WNT3A: variants seen among roughly 807,000 people sequenced by gnomAD.
WNT3A encodes protein Wnt-3a.
WNT3A carries 17 observed loss-of-function variants against 37.0 expected under a neutral mutation model. That is an observed-to-expected ratio of 0.46 (90% CI 0.31 to 0.69). The LOEUF (loss-of-function observed/expected upper bound fraction) is 0.69, where lower values mean the gene tolerates loss of function less well. Among genes scored for constraint, WNT3A ranks in the 30% least tolerant of loss-of-function variants. The pLI, the probability that WNT3A is intolerant of heterozygous loss-of-function variation, is 0.05. For synonymous variants in WNT3A, 187 were observed against 211.0 expected (o/e 0.89, Z 0.99); for missense variants, 411 against 510.2 (o/e 0.81, Z 1.87).
At chr1:228,043,649 A>C (rs2031339334) in intron 2 of WNT3A, among the ~76,000 whole-genome samples, 1 of 152,214 alleles carries the variant, frequency 6.6e-6, no homozygotes, top group Admixed American at 6.5e-5. Flanking sequence ...CCTGGACGTA[A>C]GTCCTGGCCT....
intron 2 of WNT3A, among the ~76,000 whole-genome samples, chr1:228,045,761 G>A (rs995328972): frequency 6.6e-6 from 1 of 152,226 alleles, no homozygotes; most frequent in African/African-American, 2.4e-5. Context: ...AAAGGAAACA[G>A]CGGAGGTTGC....
intron 1 of WNT3A, among the ~76,000 whole-genome samples, chr1:228,021,662 G>A (rs538577282): frequency 3.9e-5 from 6 of 152,342 alleles, no homozygotes; most frequent in South Asian, 4.1e-4. Context: ...ACGTCTCATT[G>A]TGGACACGTG....
rs1329137277 is a variant in WNT3A at position 228,008,814 on chromosome 1, C to CT, written c.71+1616dup. Among the ~76,000 whole-genome samples, 1 of 152,182 alleles carries CT rather than the reference C, an allele frequency of 6.6e-6. No homozygotes were observed. The highest frequency in any genetic ancestry group is 1.5e-5 in the Non-Finnish European group (1 of 68,004). On this transcript the variant is annotated intron_variant, in intron 1 of 3. Coordinates refer to ENST00000284523, the MANE Select transcript of WNT3A (RefSeq NM_033131.4). The surrounding 1 kb of genome is among the most constrained non-coding windows in gnomAD (Gnocchi z 4.9). The stretch of plus-strand genomic sequence containing the variant: ...GCCAGCCTCCTGGCAACCCCGCGCC[C>CT]TAGGATCTTTGTCTTGTCGGCCCTG...
At chr1:228,012,259 A>T (rs2030395722) in intron 1 of WNT3A, among the ~76,000 whole-genome samples, 1 of 152,212 alleles carries the variant, frequency 6.6e-6, no homozygotes, top group Non-Finnish European at 1.5e-5. Context: ...GGCTCCCGCC[A>T]TCTCCATCCA....
chr1:228,034,784 TG>T, intron 2 of WNT3A, among the ~76,000 whole-genome samples: 1 of 152,184 alleles, frequency 6.6e-6, no homozygotes, highest in East Asian at 1.9e-4. Context: ...TTAAAGTTTG[TG>T]GAAAACAGGG....
intron 3 of WNT3A, among the ~76,000 whole-genome samples, chr1:228,052,716 A>G (rs1256388368): frequency 6.6e-6 from 1 of 152,234 alleles, no homozygotes; most frequent in Non-Finnish European, 1.5e-5. Context: ...TAGATAACTC[A>G]GACTAATCTT....
At chr1:228,036,040 G>A (rs1303764755) in intron 2 of WNT3A, among the ~76,000 whole-genome samples, 2 of 152,154 alleles carry the variant, frequency 1.3e-5, no homozygotes, top group Non-Finnish European at 2.9e-5. Context: ...CCCGCCGGGT[G>A]CCTCAGAGAG....
intron 2 of WNT3A, among the ~76,000 whole-genome samples, chr1:228,027,390 C>T (rs1003587934): frequency 1.3e-5 from 2 of 152,222 alleles, no homozygotes; most frequent in Admixed American, 1.3e-4. Flanking sequence ...GACATTCCTA[C>T]CAGCAGTGTA....
intron 2 of WNT3A, among the ~76,000 whole-genome samples, chr1:228,049,338 C>T (rs2031492674): frequency 1.3e-5 from 2 of 152,140 alleles, no homozygotes; most frequent in East Asian, 1.9e-4. Flanking sequence ...TACCTGCCTT[C>T]GTTCAGTTGT....
intron 2 of WNT3A, among the ~76,000 whole-genome samples, chr1:228,045,599 A>G (rs745727764): frequency 8.1e-4 from 123 of 152,310 alleles, no homozygotes; most frequent in Non-Finnish European, 1.3e-3. Context: ...CCACACGTGT[A>G]TTCACTCAGA....
At position 228,037,528 on chromosome 1, in the gene WNT3A, A is replaced by G. The variant is rs1008252242; in HGVS notation, c.314-13128A>G. 3.3e-5 allele frequency among the ~76,000 whole-genome samples: 5 copies of G among 151,662 alleles called. No homozygotes were observed. The highest frequency in any genetic ancestry group is 4.2e-4 in the South Asian group (2 of 4,818). On this transcript the variant is annotated intron_variant, in intron 2 of 3. Coordinates refer to ENST00000284523, the MANE Select transcript of WNT3A (RefSeq NM_033131.4). The surrounding 1 kb of genome is among the most constrained non-coding windows in gnomAD (Gnocchi z 4.1). ...CCACCTCCCTGTGTGTCCCCTGCCT[A>G]TGAGGGCCGGCACAGGGGTGGGGCC...
At position 228,007,313 on chromosome 1, in the gene WNT3A, C is replaced by G; in HGVS notation, c.71+114C>G. 1 of 1,064,420 alleles carries G rather than the reference C, an allele frequency of 9.4e-7. No homozygotes were observed. The highest frequency in any genetic ancestry group is 1.3e-6 in the Non-Finnish European group (1 of 778,784). The allele number at this position is 1,064,420 out of a possible 1,614,324, so 65.9% of individuals were successfully genotyped here. On this transcript the variant is annotated intron_variant, in intron 1 of 3. Transcript: ENST00000284523. This position sits in a 1 kb window ranked among gnomAD's most constrained non-coding sequence, Gnocchi z 6.0. ...GAGCCCGCGCCCTTCTGCTCCAGCC[C>G]CGCGTGCGGGCCGCGGGCGGTTGGT...
At chr1:228,016,770 C>T (rs974066034) in intron 1 of WNT3A, among the ~76,000 whole-genome samples, 1 of 152,060 alleles carries the variant, frequency 6.6e-6, no homozygotes, top group Non-Finnish European at 1.5e-5. Context: ...AGCTTCCACT[C>T]ATGGTGGAAG....
chr1:228,010,340 G>A (rs941566700), intron 1 of WNT3A, among the ~76,000 whole-genome samples: 13 of 152,142 alleles, frequency 8.5e-5, no homozygotes, highest in African/African-American at 2.4e-4. Context: ...TCCCGCCACC[G>A]CCTCCCCAGG....
In WNT3A at chr1:228,060,819, C is replaced by G. The variant is rs117915605; in HGVS notation, c.*1354C>G. 3.6e-3 allele frequency: 555 copies of G among 153,432 alleles called. 11 individuals carry two copies. Among genetic ancestry groups the G allele is most frequent in the East Asian group, 0.03 (155 of 5,200 alleles). 9.5% of individuals were successfully genotyped at this position (153,432 alleles called of 1,614,324 possible). ...AAGGTAGGAAGAGAGGTCCAGCCCC[C>G]CAGGCTGCCCAGAGCTGCTGGTCTC... On this transcript the variant is annotated 3_prime_UTR_variant, in exon 4 of 4. Transcript: ENST00000284523.
intron 1 of WNT3A, among the ~76,000 whole-genome samples, chr1:228,015,367 A>G (rs2030495159): frequency 1.3e-5 from 2 of 152,230 alleles, no homozygotes; most frequent in Admixed American, 1.3e-4. Context: ...CCAGAGGGAT[A>G]TCTGGTGTCC....
rs1183457332 is a variant in WNT3A, at chr1:228,059,758, G to A, written c.*293G>A. ...TGGGGACGGGGCTCCCCTGGACAGAGGCGGGGCTACAGATTGGGCGGGGCT... is the reference window on the plus strand; with the variant it reads ...TGGGGACGGGGCTCCCCTGGACAGAAGCGGGGCTACAGATTGGGCGGGGCT... On this transcript the variant is annotated 3_prime_UTR_variant, in exon 4 of 4. Transcript: ENST00000284523. 8.1e-7 allele frequency: 1 copy of A among 1,240,564 alleles called. No individual in the cohort carries two copies. The highest frequency in any genetic ancestry group is 1.0e-6 in the Non-Finnish European group (1 of 990,910). 76.8% of individuals were successfully genotyped at this position (1,240,564 alleles called of 1,614,324 possible).
At position 228,038,101 on chromosome 1, in the gene WNT3A, C is replaced by T. The variant is rs886854691; in HGVS notation, c.314-12555C>T. 8.6e-5 allele frequency among the ~76,000 whole-genome samples: 13 copies of T among 151,950 alleles called. No homozygotes were observed. The highest frequency in any genetic ancestry group is 2.9e-4 in the African/African-American group (12 of 41,410). On this transcript the variant is annotated intron_variant, in intron 2 of 3. Transcript: ENST00000284523. The surrounding 1 kb of genome is among the most constrained non-coding windows in gnomAD (Gnocchi z 5.7). ...CGGGCCGCCCGGCGGTGTCAGGGGC[C>T]GTGGCCGCGGTGGGGCGCGGGCCGC...
chr1:228,018,407 A>AT (rs5781502), intron 1 of WNT3A, among the ~76,000 whole-genome samples: 105,448 of 147,582 alleles, frequency 0.71, 37,894 homozygotes, highest in East Asian at 0.9. Flanking sequence ...TGCAATTTAG[A>AT]TTTTTTTTTT....
Sources: gnomAD v4.1 joint callset for allele counts (sites outside exome capture counted in the v4.1 genomes callset) on GRCh38, gnomAD v4.1.1 for gene constraint, Gnocchi (gnomAD v3.1) non-coding constraint, MANE v1.5 for transcripts, NCBI Gene and HGNC (gene_info 2026-07-23, HGNC 2026-07-21) for gene names.